Variants in ADCY2 observed in about 807,000 individuals in gnomAD.
ADCY2 encodes the protein adenylate cyclase type 2.
ADCY2 carries 31 observed loss-of-function variants against 125.2 expected under a neutral mutation model. The observed-to-expected ratio is 0.25, with a 90% CI of 0.19 to 0.33. ADCY2 has a LOEUF of 0.33. Among genes scored for constraint, ADCY2 ranks in the 10% least tolerant of loss-of-function variants. The pLI is 1.00. For missense variants in ADCY2, 904 were observed against 1,418.2 expected (o/e 0.64, Z 5.82); for synonymous variants, 512 against 548.4 (o/e 0.93, Z 0.93).
At chr5:7,688,532 G>C (rs1353846704) in intron 4 of ADCY2, among the ~76,000 whole-genome samples, 2 of 152,046 alleles carry the variant, frequency 1.3e-5, no homozygotes, top group African/African-American at 4.8e-5. Flanking sequence ...GCCTCCCAAA[G>C]TGCTGGGACT....
chr5:7,509,448 A>AT (rs567867429), intron 2 of ADCY2, among the ~76,000 whole-genome samples: 17 of 152,098 alleles, frequency 1.1e-4, no homozygotes, highest in Non-Finnish European at 2.5e-4. Flanking sequence ...CAGGACACCC[A>AT]TTTTTTTTAA....
In ADCY2 at chr5:7,396,644, G is replaced by A. The variant is rs1007632615; in HGVS notation, c.210+138G>A. On this transcript the variant is annotated intron_variant, in intron 1 of 24. Transcript: ENST00000338316. This position sits in a 1 kb window ranked among gnomAD's most constrained non-coding sequence, Gnocchi z 5.7. ...GGCCCGCGGCAGCCCCTCGGCCCGC[G>A]GCTCCCTGCTTCTCCTGCTGGCCCG... 16 of 484,980 alleles carry A rather than the reference G, an allele frequency of 3.3e-5. No individual in the cohort carries two copies. Among genetic ancestry groups the A allele is most frequent in the Non-Finnish European group, 4.6e-5 (15 of 323,560 alleles). 30.0% of individuals were successfully genotyped at this position (484,980 alleles called of 1,614,324 possible).
intron 3 of ADCY2, among the ~76,000 whole-genome samples, chr5:7,584,270 T>C (rs995070063): frequency 6.6e-6 from 1 of 152,040 alleles, no homozygotes; most frequent in African/African-American, 2.4e-5. Flanking sequence ...TCCTGAAGGA[T>C]CAAAACTCCA....
intron 2 of ADCY2, among the ~76,000 whole-genome samples, chr5:7,449,836 T>C (rs545988155): frequency 3.3e-5 from 5 of 152,352 alleles, no homozygotes; most frequent in Admixed American, 6.5e-5. Context: ...CCCATTTTAG[T>C]CATTGTCACA....
chr5:7,640,915 T>G (rs1233603093), intron 4 of ADCY2, among the ~76,000 whole-genome samples: 1 of 152,214 alleles, frequency 6.6e-6, no homozygotes, highest in East Asian at 1.9e-4. Context: ...TATCCAGCTG[T>G]GAATGGATTT....
At chr5:7,781,803 G>T (rs1396671698) in intron 18 of ADCY2, among the ~76,000 whole-genome samples, 1 of 152,134 alleles carries the variant, frequency 6.6e-6, no homozygotes, top group African/African-American at 2.4e-5. Flanking sequence ...CTCCCACCAT[G>T]CTCCATGCCC....
intron 7 of ADCY2, among the ~76,000 whole-genome samples, chr5:7,702,563 C>T (rs564861457): frequency 6.6e-6 from 1 of 152,030 alleles, no homozygotes; most frequent in African/African-American, 2.4e-5. Context: ...TGAACTCATC[C>T]TTTTTATGGC....
At chr5:7,559,172 T>G (rs1246209350) in intron 3 of ADCY2, among the ~76,000 whole-genome samples, 1 of 152,172 alleles carries the variant, frequency 6.6e-6, no homozygotes, top group Non-Finnish European at 1.5e-5. Context: ...TTTTGGGGTT[T>G]AATATGAATT....
intron 2 of ADCY2, among the ~76,000 whole-genome samples, chr5:7,481,478 A>C (rs1742728865): frequency 6.6e-6 from 1 of 151,468 alleles, no homozygotes; most frequent in Admixed American, 6.6e-5. Flanking sequence ...TGTGTTAGTC[A>C]GGATGGTCTC....
chr5:7,586,415 C>G (rs1410377297), intron 3 of ADCY2, among the ~76,000 whole-genome samples: 1 of 152,198 alleles, frequency 6.6e-6, no homozygotes, highest in East Asian at 1.9e-4. Context: ...TTCTCCCACC[C>G]TCATCCATTC....
In ADCY2 at chr5:7,608,293, T is replaced by C. The variant is rs1460164233; in HGVS notation, c.571-17874T>C. 3.9e-5 allele frequency among the ~76,000 whole-genome samples: 6 copies of C among 152,074 alleles called. No individual in the cohort carries two copies. The East Asian group carries it at 9.6e-4, about 24-fold the overall frequency. On this transcript the variant is annotated intron_variant, in intron 3 of 24. Coordinates refer to ENST00000338316, the MANE Select transcript of ADCY2 (RefSeq NM_020546.3). ...CAGTTGGAGGGCTGATTTAAATGCT[T>C]AAAACAGGCTGGGTGTGGTGGCTCA... is the stretch of plus-strand genomic sequence containing the variant.
rs549910674 is a variant in ADCY2 at position 7,742,482 on chromosome 5, T to C, written c.1872-1186T>C. Among the ~76,000 whole-genome samples, 278 of 152,316 alleles carry C rather than the reference T, an allele frequency of 1.8e-3. 3 individuals carry two copies. The highest frequency in any genetic ancestry group is 1.7e-3 in the Admixed American group (26 of 15,306). On this transcript the variant is annotated intron_variant, in intron 14 of 24. Coordinates refer to ENST00000338316, the MANE Select transcript of ADCY2 (RefSeq NM_020546.3). ...AGCATTGTGAGTCATGTCTAGGACATGACTCAGTGCCCGAAAGTCATTGAT... is the reference window on the plus strand; with the variant it reads ...AGCATTGTGAGTCATGTCTAGGACACGACTCAGTGCCCGAAAGTCATTGAT...
At chr5:7,642,981 TA>T (rs1738761915) in intron 4 of ADCY2, among the ~76,000 whole-genome samples, 1 of 152,060 alleles carries the variant, frequency 6.6e-6, no homozygotes, top group African/African-American at 2.4e-5. Flanking sequence ...GAAAGAACCA[TA>T]CCTACTAACA....
At chr5:7,408,048 T>C (rs959994515) in intron 1 of ADCY2, among the ~76,000 whole-genome samples, 1 of 151,726 alleles carries the variant, frequency 6.6e-6, no homozygotes, top group Non-Finnish European at 1.5e-5. Flanking sequence ...TTTTGTATTT[T>C]TTTAGTAGAG....
At chr5:7,421,541 C>G (rs1740202825) in intron 2 of ADCY2, among the ~76,000 whole-genome samples, 1 of 152,228 alleles carries the variant, frequency 6.6e-6, no homozygotes, top group Admixed American at 6.5e-5. Flanking sequence ...TGGATGACAT[C>G]TGCAAAGACC....
intron 16 of ADCY2, among the ~76,000 whole-genome samples, chr5:7,765,195 G>A (rs891763539): frequency 6.6e-6 from 1 of 152,084 alleles, no homozygotes; most frequent in Non-Finnish European, 1.5e-5. Context: ...AGAAGTTTTT[G>A]TTAATTATTT....
chr5:7,658,401 G>T (rs180789238), intron 4 of ADCY2, among the ~76,000 whole-genome samples: 6 of 126,182 alleles, frequency 4.8e-5, no homozygotes, highest in African/African-American at 1.1e-4. Context: ...GAAGAGAATT[G>T]TGTGTGTGTG....
In ADCY2 at chr5:7,512,218, C is replaced by CAAAAAAAAAAAAAAAAAAAAA. The variant is rs57381383; in HGVS notation, c.409-8518_409-8498dup. Among the ~76,000 whole-genome samples, 90 of 57,872 alleles carry CAAAAAAAAAAAAAAAAAAAAA rather than the reference C, an allele frequency of 1.6e-3. 7 individuals carry two copies. Among genetic ancestry groups the CAAAAAAAAAAAAAAAAAAAAA allele is most frequent in the African/African-American group, 3.2e-3 (40 of 12,566 alleles). 38.0% of individuals were successfully genotyped at this position (57,872 alleles called of 152,430 possible). On this transcript the variant is annotated intron_variant, in intron 2 of 24. Transcript: ENST00000338316. ...CCTGGGCAGTAGAGCATGACTCCAT[C>CAAAAAAAAAAAAAAAAAAAAA]AAAAAAAAAAAAAAAAAAAAAAGAA... is the stretch of plus-strand genomic sequence containing the variant.
intron 18 of ADCY2, among the ~76,000 whole-genome samples, chr5:7,774,471 G>T (rs550329992): frequency 6.6e-6 from 1 of 152,108 alleles, no homozygotes; most frequent in African/African-American, 2.4e-5. Flanking sequence ...AGCTGATAAC[G>T]CTACTAAGTT....
Sources: gnomAD v4.1 joint callset for allele counts (sites outside exome capture counted in the v4.1 genomes callset) on GRCh38, gnomAD v4.1.1 for gene constraint, Gnocchi (gnomAD v3.1) non-coding constraint, MANE v1.5 for transcripts, NCBI Gene and HGNC (gene_info 2026-07-23, HGNC 2026-07-21) for gene names.